SERPINB8: variants seen among roughly 807,000 people sequenced by gnomAD.
SERPINB8 encodes the protein serpin family B member 8.
Under a neutral mutation model 35.3 loss-of-function variants are expected in SERPINB8, and 25 were observed. That is an observed-to-expected ratio of 0.71 (90% CI 0.52 to 0.99). The LOEUF is 0.99. Ranked by LOEUF, SERPINB8 falls within the 50% of genes least tolerant of loss-of-function variation. SERPINB8 has a pLI of 0.00. For missense variants in SERPINB8, 484 were observed against 446.5 expected (o/e 1.08, Z -0.76); for synonymous variants, 186 against 160.8 (o/e 1.16, Z -1.19).
chr18:63,985,332 G>A (rs2050737205), intron 6 of SERPINB8, 87 bp downstream of exon 6: 1 of 1,471,112 alleles, frequency 6.8e-7, no homozygotes, highest in Non-Finnish European at 9.2e-7. Flanking sequence ...CATTTGAGGA[G>A]TTTCCAGTTG....
Position 63,987,342 on chromosome 18 carries a change from C to T in SERPINB8, c.*64C>T, listed in dbSNP as rs548192467. ...CCTATCTTGCCTTAATTAACATTCC[C>T]TGTGACCTAGTTGGTGCAGTGGCTT... On this transcript the variant is annotated 3_prime_UTR_variant, in exon 7 of 7. Coordinates refer to ENST00000397985, the MANE Select transcript of SERPINB8 (RefSeq NM_002640.4). 6.6e-7 allele frequency: 1 copy of T among 1,512,552 alleles called. No homozygotes were observed. The highest frequency in any genetic ancestry group is 2.0e-5 in the Admixed American group (1 of 51,240). 93.7% of individuals were successfully genotyped at this position (1,512,552 alleles called of 1,614,324 possible).
At position 63,998,673 on chromosome 18, in the gene SERPINB8, A is replaced by G. The variant is rs56107199; in HGVS notation, c.71-6146A>G. Reference sequence around the variant, plus strand: ...ATTGGCAAATCAGTTTCCATGGTGGATCATGCAAGTTCCCTCCATCCTTTT... The same window carrying G: ...ATTGGCAAATCAGTTTCCATGGTGGGTCATGCAAGTTCCCTCCATCCTTTT... On this transcript the variant is annotated intron_variant, in intron 1 of 1. Transcript: ENST00000493661. 9.6e-3 allele frequency among the ~76,000 whole-genome samples: 1,459 copies of G among 152,242 alleles called. 14 individuals are homozygous for G. Among genetic ancestry groups the G allele is most frequent in the Middle Eastern group, 0.017 (5 of 294 alleles).
chr18:64,000,130 A>G (rs1019049125), intron 1 of SERPINB8, among the ~76,000 whole-genome samples: 1 of 152,192 alleles, frequency 6.6e-6, no homozygotes, highest in Non-Finnish European at 1.5e-5. Context: ...TGAATCTGAC[A>G]AAGTGGAAGA....
At chr18:64,018,105 T>C (rs567403419) in intron 7 of SERPINB8, among the ~76,000 whole-genome samples, 1 of 152,328 alleles carries the variant, frequency 6.6e-6, no homozygotes, top group East Asian at 1.9e-4. Flanking sequence ...TTCCTTCTCA[T>C]ATATTCTAGA....
At chr18:63,999,850 G>A (rs1467781270) in intron 1 of SERPINB8, among the ~76,000 whole-genome samples, 1 of 152,154 alleles carries the variant, frequency 6.6e-6, no homozygotes, top group Non-Finnish European at 1.5e-5. Flanking sequence ...AGGGCTTACC[G>A]GGTGAGAAGC....
chr18:63,974,606 C>T (rs2050551563), intron 1 of SERPINB8, among the ~76,000 whole-genome samples: 1 of 152,194 alleles, frequency 6.6e-6, no homozygotes, highest in African/African-American at 2.4e-5. Context: ...CTTCTGATTC[C>T]TGTGTTTTTA....
At chr18:63,982,052 T>G (rs1356317387) in intron 4 of SERPINB8, among the ~76,000 whole-genome samples, 1 of 152,112 alleles carries the variant, frequency 6.6e-6, no homozygotes, top group African/African-American at 2.4e-5. Context: ...ATCTCTGACC[T>G]CCTCCCCTGT....
chr18:64,008,748 A>G (rs541297397), downstream of SERPINB8, among the ~76,000 whole-genome samples: 1 of 152,288 alleles, frequency 6.6e-6, no homozygotes, highest in South Asian at 2.1e-4. Flanking sequence ...TAATTCAAAA[A>G]CAATTTGAGC....
intron 3 of SERPINB8, among the ~76,000 whole-genome samples, chr18:63,980,513 G>A (rs2050653871): frequency 6.6e-6 from 1 of 151,166 alleles, no homozygotes; most frequent in African/African-American, 2.4e-5. Context: ...TAAAATTAGT[G>A]AACTGATTGC....
At chr18:64,002,788 C>T (rs906677339) in intron 1 of SERPINB8, among the ~76,000 whole-genome samples, 1 of 152,146 alleles carries the variant, frequency 6.6e-6, no homozygotes, top group Non-Finnish European at 1.5e-5. Flanking sequence ...TAGGGACTCA[C>T]CCCGACCGCG....
At chr18:64,003,746 A>G (rs2050887274) in intron 1 of SERPINB8, among the ~76,000 whole-genome samples, 1 of 152,102 alleles carries the variant, frequency 6.6e-6, no homozygotes. Context: ...CTCCAATTCC[A>G]GTGTCAGGCA....
chr18:64,014,849 C>A (rs755123798), intron 7 of SERPINB8, among the ~76,000 whole-genome samples: 1 of 152,054 alleles, frequency 6.6e-6, no homozygotes, highest in Admixed American at 6.6e-5. Flanking sequence ...ATTGAGCTAC[C>A]CAGATTCAAA....
chr18:64,000,098 C>T (rs1394301410), intron 1 of SERPINB8, among the ~76,000 whole-genome samples: 2 of 152,204 alleles, frequency 1.3e-5, no homozygotes, highest in South Asian at 2.1e-4. Context: ...ACTGTCAACA[C>T]CTCGTGGTGC....
At position 63,981,760 on chromosome 18, in the gene SERPINB8, C is replaced by A; in HGVS notation, c.346C>A (p.Leu116Met). The change falls in exon 4 of 7, where the codon CTG becomes ATG. Residue 116 changes from leucine (L) to methionine (M), a missense_variant. Coordinates refer to ENST00000397985, the MANE Select transcript of SERPINB8 (RefSeq NM_002640.4). The stretch of plus-strand genomic sequence containing the variant: ...CTGTCAGAAGTTCTATCAGGCAGAG[C>A]TGGAGGAGTTGTCCTTTGCTGAAGA... ...EYCQKFYQAE[L>M]EELSFAEDTE... The A allele has an allele frequency of 1.3e-5, 21 of 1,613,872 alleles. No individual in the cohort carries two copies. The highest frequency in any genetic ancestry group is 1.6e-5 in the Non-Finnish European group (19 of 1,179,804).
chr18:63,975,726 TTTTG>T (rs376467273), intron 1 of SERPINB8, among the ~76,000 whole-genome samples: 7 of 152,356 alleles, frequency 4.6e-5, no homozygotes, highest in Non-Finnish European at 1.0e-4. Flanking sequence ...AAGCTCACTT[TTTTG>T]TTTAAGTAAG....
chr18:64,003,462 G>C lies in SERPINB8; in HGVS notation c.71-1357G>C, dbSNP rs2050885420. On this transcript the variant is annotated intron_variant, in intron 1 of 1. Coordinates refer to the SERPINB8 transcript ENST00000493661. ...TATATCAGAGACTTGAGCACCGGGG[G>C]GTATTAGTATCTGTGGGAGGTCCTA... is the stretch of plus-strand genomic sequence containing the variant. Among the ~76,000 whole-genome samples the C allele has an allele frequency of 2.0e-5, 3 of 151,984 alleles. No homozygotes were observed. The South Asian group carries it at 6.2e-4, about 32-fold the overall frequency.
chr18:63,985,850 C>T (rs994817383), intron 6 of SERPINB8, among the ~76,000 whole-genome samples: 3 of 152,158 alleles, frequency 2.0e-5, no homozygotes, highest in Non-Finnish European at 4.4e-5. Flanking sequence ...AGGTGCAAGA[C>T]TAATAGTGCA....
chr18:63,983,312 C>T (rs2050701252), intron 4 of SERPINB8, among the ~76,000 whole-genome samples: 1 of 152,296 alleles, frequency 6.6e-6, no homozygotes, highest in Middle Eastern at 3.4e-3. Flanking sequence ...AAAAGTCTGG[C>T]AAATGCTCTG....
At chr18:64,006,460 C>T (rs1036398795), downstream of SERPINB8, among the ~76,000 whole-genome samples, 7 of 152,050 alleles carry the variant, frequency 4.6e-5, no homozygotes, top group African/African-American at 1.7e-4. Flanking sequence ...ACTAACACAC[C>T]GAGGAAATGC....
Sources: allele counts gnomAD v4.1 joint callset (sites outside exome capture counted in the v4.1 genomes callset), GRCh38; gene constraint gnomAD v4.1.1; transcripts MANE v1.5; gene names NCBI Gene and HGNC (gene_info 2026-07-23, HGNC 2026-07-21).